ADAMTS18: variants seen among roughly 807,000 people sequenced by gnomAD.
ADAMTS18 encodes the protein A disintegrin and metalloproteinase with thrombospondin motifs 18.
Under a neutral mutation model 165.9 loss-of-function variants are expected in ADAMTS18, and 157 were observed. That is an observed-to-expected ratio of 0.95 (90% CI 0.83 to 1.08). The LOEUF is 1.08. Ranked by LOEUF, ADAMTS18 falls within the 50% of genes least tolerant of loss-of-function variation. The pLI is 0.00. For synonymous variants in ADAMTS18, 782 were observed against 578.2 expected (o/e 1.35, Z -5.06); for missense variants, 2,040 against 1,534.0 (o/e 1.33, Z -5.51).
chr16:77,311,546 T>C (rs2055780595), intron 16 of ADAMTS18, among the ~76,000 whole-genome samples: 1 of 152,176 alleles, frequency 6.6e-6, no homozygotes. Context: ...AATATCTGTG[T>C]TCCATCCATT....
At chr16:77,412,506 G>A (rs1171731855) in intron 3 of ADAMTS18, among the ~76,000 whole-genome samples, 1 of 151,972 alleles carries the variant, frequency 6.6e-6, no homozygotes, top group African/African-American at 2.4e-5. Flanking sequence ...TTTCTTTCAT[G>A]TATTATAGAG....
At chr16:77,296,392 G>A (rs1015932761) in intron 18 of ADAMTS18, among the ~76,000 whole-genome samples, 4 of 152,038 alleles carry the variant, frequency 2.6e-5, no homozygotes, top group African/African-American at 9.7e-5. Context: ...TGCATTTGGG[G>A]TTTCATGGCC....
intron 6 of ADAMTS18, among the ~76,000 whole-genome samples, chr16:77,362,528 T>C (rs1161222895): frequency 2.0e-5 from 3 of 152,222 alleles, no homozygotes; most frequent in African/African-American, 7.2e-5. Flanking sequence ...ACACCTTTGT[T>C]CATCTTACCT....
intron 3 of ADAMTS18, among the ~76,000 whole-genome samples, chr16:77,378,542 C>G (rs1457998593): frequency 6.6e-6 from 1 of 151,784 alleles, no homozygotes; most frequent in Non-Finnish European, 1.5e-5. Context: ...TGGCGAAACC[C>G]TGACTCCACT....
At chr16:77,404,475 A>G (rs1037023912) in intron 3 of ADAMTS18, among the ~76,000 whole-genome samples, 5 of 152,202 alleles carry the variant, frequency 3.3e-5, no homozygotes, top group Admixed American at 2.0e-4. Flanking sequence ...TGGCCATAAT[A>G]AAATTACAAG....
chr16:77,348,595 G>A (rs1597153534), intron 10 of ADAMTS18, among the ~76,000 whole-genome samples: 1 of 152,186 alleles, frequency 6.6e-6, no homozygotes, highest in South Asian at 2.1e-4. Flanking sequence ...AGGCAGAGGG[G>A]ACATCTTCCA....
chr16:77,287,062 G>A (rs563380857), intron 22 of ADAMTS18, among the ~76,000 whole-genome samples: 13 of 152,158 alleles, frequency 8.5e-5, no homozygotes, highest in South Asian at 4.2e-4. Context: ...GGAGGATGCA[G>A]CCATGGGCAG....
chr16:77,316,855 C>G (rs2055896213), intron 16 of ADAMTS18, among the ~76,000 whole-genome samples: 1 of 152,000 alleles, frequency 6.6e-6, no homozygotes, highest in African/African-American at 2.4e-5. Context: ...TTAGTAGAAA[C>G]AGGACTTCAC....
chr16:77,380,380 C>T (rs928999216), intron 3 of ADAMTS18, among the ~76,000 whole-genome samples: 3 of 152,168 alleles, frequency 2.0e-5, no homozygotes, highest in African/African-American at 7.2e-5. Context: ...CTGAAATAAA[C>T]ACTTAATGAC....
Position 77,295,052 on chromosome 16 carries a change from CA to C in ADAMTS18, c.2876del (p.Val959GlyfsTer19). ...CCTCCTTTTGGAAGGGCTTCTTTTGCACACACTGGATCTTTCGGCTCTGCTG... is the reference window on the plus strand; with the variant it reads ...CCTCCTTTTGGAAGGGCTTCTTTTGCCACACTGGATCTTTCGGCTCTGCTG... Reference protein sequence around the residue: ...GGQQSRKIQCVQKKPFQKEEA... With the variant: ...GGQQSRKIQCXQKKPFQKEEA... On this transcript the variant is annotated frameshift_variant, in exon 19 of 23. Coordinates refer to ENST00000282849, the MANE Select transcript of ADAMTS18 (RefSeq NM_199355.4). LOFTEE classifies it high-confidence loss of function. The C allele has an allele frequency of 6.2e-7, 1 of 1,614,190 alleles. No homozygotes were observed. The highest frequency in any genetic ancestry group is 1.1e-5 in the South Asian group (1 of 91,086).
chr16:77,308,559 G>C (rs1340621070), intron 16 of ADAMTS18, among the ~76,000 whole-genome samples: 3 of 140,210 alleles, frequency 2.1e-5, no homozygotes, highest in African/African-American at 8.3e-5. Flanking sequence ...ATCTCTAAGT[G>C]GATACCTTAG....
intron 3 of ADAMTS18, among the ~76,000 whole-genome samples, chr16:77,425,577 A>C (rs1173815942): frequency 1.3e-5 from 2 of 152,236 alleles, no homozygotes; most frequent in African/African-American, 4.8e-5. Flanking sequence ...ATCAATCTTC[A>C]CATGAAGAAT....
chr16:77,419,773 G>T (rs564184544), intron 3 of ADAMTS18, among the ~76,000 whole-genome samples: 7 of 152,066 alleles, frequency 4.6e-5, no homozygotes, highest in African/African-American at 7.2e-5. Context: ...TTGACAGGCA[G>T]GTGAATCATG....
chr16:77,356,175 C>T (rs1474670766), intron 8 of ADAMTS18, 98 bp from the exon 9 acceptor site: 49 of 1,490,900 alleles, frequency 3.3e-5, no homozygotes, highest in Non-Finnish European at 4.5e-5. Context: ...ATCAACAAAA[C>T]CAAGTGAGAG....
chr16:77,388,147 T>C (rs2057135420), intron 3 of ADAMTS18, among the ~76,000 whole-genome samples: 1 of 152,236 alleles, frequency 6.6e-6, no homozygotes, highest in African/African-American at 2.4e-5. Flanking sequence ...TTGCCCAGGC[T>C]GGAGTGCAGT....
chr16:77,408,592 A>T (rs767993055), intron 3 of ADAMTS18, among the ~76,000 whole-genome samples: 1 of 152,192 alleles, frequency 6.6e-6, no homozygotes, highest in Non-Finnish European at 1.5e-5. Flanking sequence ...GAAACTCGAC[A>T]AATTAGAGAA....
intron 17 of ADAMTS18, among the ~76,000 whole-genome samples, chr16:77,299,407 T>G (rs1234236495): frequency 1.3e-5 from 2 of 152,220 alleles, no homozygotes; most frequent in Non-Finnish European, 2.9e-5. Context: ...TTTTCATACT[T>G]TGTTAATTAG....
Position 77,344,296 on chromosome 16 carries a change from C to T in ADAMTS18, c.1615-2497G>A, listed in dbSNP as rs143576642. Among the ~76,000 whole-genome samples the T allele has an allele frequency of 1.5e-3, 224 of 151,994 alleles. 1 individual carries two copies. In the South Asian group the frequency reaches 0.018, roughly 12 times the overall value. ...CCACCAGCTGCCCCAGATGTGGGCACGTGTACCATTCCCAAATCTCAAAAC... is the reference window on the plus strand; with the variant it reads ...CCACCAGCTGCCCCAGATGTGGGCATGTGTACCATTCCCAAATCTCAAAAC... On this transcript the variant is annotated intron_variant, in intron 10 of 22. Coordinates refer to ENST00000282849, the MANE Select transcript of ADAMTS18 (RefSeq NM_199355.4).
intron 21 of ADAMTS18, among the ~76,000 whole-genome samples, chr16:77,290,354 C>T (rs1256197868): frequency 1.3e-5 from 2 of 152,126 alleles, no homozygotes; most frequent in Non-Finnish European, 2.9e-5. Flanking sequence ...TAAAAACAGG[C>T]AGGTATTGGG....
Sources: allele counts gnomAD v4.1 joint callset (sites outside exome capture counted in the v4.1 genomes callset), GRCh38; gene constraint gnomAD v4.1.1; transcripts MANE v1.5; gene names NCBI Gene and HGNC (gene_info 2026-07-23, HGNC 2026-07-21).